Variants in UNC5D observed in about 807,000 individuals in gnomAD.
UNC5D encodes the protein netrin receptor UNC5D.
Under a neutral mutation model 105.4 loss-of-function variants are expected in UNC5D, and 39 were observed. The ratio of observed to expected loss-of-function variants is 0.37; its 90% CI spans 0.29 to 0.48. UNC5D has a LOEUF of 0.48. Ranked by LOEUF, UNC5D falls within the 20% of genes least tolerant of loss-of-function variation. The pLI, the probability that UNC5D is intolerant of heterozygous loss-of-function variation, is 0.98. For synonymous variants in UNC5D, 452 were observed against 450.4 expected, an observed-to-expected ratio of 1.00 and a Z score of -0.04; for missense variants, 991 against 1,202.4, an observed-to-expected ratio of 0.82 and a Z score of 2.60.
At chr8:35,762,696 G>C (rs1244514746) in intron 14 of UNC5D, among the ~76,000 whole-genome samples, 2 of 152,242 alleles carry the variant, frequency 1.3e-5, no homozygotes, top group East Asian at 1.9e-4. Context: ...GCTGGGACTT[G>C]AGAGCTCCTA....
chr8:35,783,204 A>G (rs990787795), intron 16 of UNC5D, among the ~76,000 whole-genome samples: 4 of 152,222 alleles, frequency 2.6e-5, no homozygotes, highest in African/African-American at 9.6e-5. Flanking sequence ...TTTTTTAAAC[A>G]GTTAAACTTG....
At chr8:35,627,378 G>C (rs1821751930) in intron 4 of UNC5D, among the ~76,000 whole-genome samples, 4 of 152,166 alleles carry the variant, frequency 2.6e-5, no homozygotes, top group Non-Finnish European at 1.5e-5. Context: ...AATCAGGGGA[G>C]CTGCAGATTC....
chr8:35,267,349 G>A (rs1406343622), intron 1 of UNC5D, among the ~76,000 whole-genome samples: 1 of 152,074 alleles, frequency 6.6e-6, no homozygotes, highest in African/African-American at 2.4e-5. Flanking sequence ...TATTGATATA[G>A]CTAATTTCAT....
At chr8:35,263,645 A>G (rs1804638069) in intron 1 of UNC5D, among the ~76,000 whole-genome samples, 1 of 152,246 alleles carries the variant, frequency 6.6e-6, no homozygotes, top group Non-Finnish European at 1.5e-5. Flanking sequence ...TATCTGAACA[A>G]TAAGACTTTA....
At chr8:35,700,540 G>A (rs1436964300) in intron 7 of UNC5D, among the ~76,000 whole-genome samples, 1 of 152,108 alleles carries the variant, frequency 6.6e-6, no homozygotes, top group Admixed American at 6.6e-5. Context: ...CCTGCAAATG[G>A]AGTAATCACC....
intron 4 of UNC5D, among the ~76,000 whole-genome samples, chr8:35,660,618 A>G (rs1358675096): frequency 2.6e-5 from 4 of 152,186 alleles, no homozygotes; most frequent in African/African-American, 9.7e-5. Context: ...AAAACACGGG[A>G]AACGGGAAAA....
chr8:35,590,715 T>G (rs554272811), intron 3 of UNC5D, among the ~76,000 whole-genome samples: 47 of 152,312 alleles, frequency 3.1e-4, no homozygotes, highest in African/African-American at 1.1e-3. Flanking sequence ...TGTATGTGTA[T>G]TATTATCCTC....
intron 4 of UNC5D, among the ~76,000 whole-genome samples, chr8:35,635,620 C>G (rs1822321481): frequency 6.6e-6 from 1 of 152,122 alleles, no homozygotes; most frequent in Non-Finnish European, 1.5e-5. Flanking sequence ...TATGTGAAAC[C>G]TGCCATAAAT....
At chr8:35,236,900 G>T (rs1203238391) in intron 1 of UNC5D, among the ~76,000 whole-genome samples, 3 of 152,118 alleles carry the variant, frequency 2.0e-5, no homozygotes, top group Non-Finnish European at 4.4e-5. Context: ...ACCGTTAAAT[G>T]ATTTGCCTTA....
intron 4 of UNC5D, among the ~76,000 whole-genome samples, chr8:35,669,703 T>C (rs1472415523): frequency 6.6e-6 from 1 of 151,338 alleles, no homozygotes; most frequent in Non-Finnish European, 1.5e-5. Flanking sequence ...AATGTAATAT[T>C]ATTATCACCA....
chr8:35,731,427 A>C (rs1003088574), intron 11 of UNC5D, among the ~76,000 whole-genome samples: 2 of 150,184 alleles, frequency 1.3e-5, no homozygotes, highest in Non-Finnish European at 2.9e-5. Context: ...AAAAAAAAAA[A>C]AAGGGCATTT....
chr8:35,473,751 TA>T (rs747438637), intron 1 of UNC5D, among the ~76,000 whole-genome samples: 2 of 152,310 alleles, frequency 1.3e-5, no homozygotes, highest in Non-Finnish European at 2.9e-5. Context: ...ATAACAGTGA[TA>T]TTTTTGGCTA....
intron 14 of UNC5D, among the ~76,000 whole-genome samples, chr8:35,762,245 G>A (rs1292315882): frequency 3.3e-5 from 5 of 152,278 alleles, no homozygotes; most frequent in South Asian, 4.1e-4. Flanking sequence ...CAAACTGCAT[G>A]AGAAATGTTT....
At chr8:35,398,434 T>A (rs1458642022) in intron 1 of UNC5D, among the ~76,000 whole-genome samples, 1 of 152,136 alleles carries the variant, frequency 6.6e-6, no homozygotes, top group African/African-American at 2.4e-5. Context: ...CAGGAGCTCA[T>A]GGGCATTATA....
At chr8:35,638,610 A>G (rs1055306945) in intron 4 of UNC5D, among the ~76,000 whole-genome samples, 3 of 151,974 alleles carry the variant, frequency 2.0e-5, no homozygotes. Flanking sequence ...CCTAGGCAAC[A>G]TACTGAGACC....
Position 35,678,551 on chromosome 8 carries a change from C to G in UNC5D, c.571-4996C>G, listed in dbSNP as rs1028111089. Among the ~76,000 whole-genome samples, 4 of 152,132 alleles carry G rather than the reference C, an allele frequency of 2.6e-5. No homozygotes were observed. The South Asian group carries it at 8.3e-4, about 32-fold the overall frequency. On this transcript the variant is annotated intron_variant, in intron 4 of 16. Coordinates refer to ENST00000404895, the MANE Select transcript of UNC5D (RefSeq NM_080872.4). ...CCAGTTAAGACTTCTATAAACACTG[C>G]ATTCTCTTCCAATGTTTACGTTAAG...
At chr8:35,416,047 A>T (rs1167737234) in intron 1 of UNC5D, among the ~76,000 whole-genome samples, 2 of 152,070 alleles carry the variant, frequency 1.3e-5, no homozygotes, top group Non-Finnish European at 2.9e-5. Flanking sequence ...TCATAATTTG[A>T]TTCTTGGAAC....
chr8:35,704,806 T>C (rs538148779), intron 7 of UNC5D, among the ~76,000 whole-genome samples: 3 of 152,024 alleles, frequency 2.0e-5, no homozygotes, highest in South Asian at 2.1e-4. Context: ...TGGTATGACA[T>C]AGAATAAGCC....
intron 1 of UNC5D, among the ~76,000 whole-genome samples, chr8:35,468,735 T>C (rs1809491615): frequency 6.6e-6 from 1 of 152,190 alleles, no homozygotes; most frequent in African/African-American, 2.4e-5. Flanking sequence ...TGAAAAGTGA[T>C]TGCAGTCACA....
Sources: allele counts gnomAD v4.1 joint callset (sites outside exome capture counted in the v4.1 genomes callset), GRCh38; gene constraint gnomAD v4.1.1; transcripts MANE v1.5; gene names NCBI Gene and HGNC (gene_info 2026-07-23, HGNC 2026-07-21).